The following CACNA1C variants were observed in gnomAD, a reference collection of about 807,000 sequenced individuals.
The protein encoded by CACNA1C is calcium voltage-gated channel subunit alpha1 C.
CACNA1C carries 30 observed loss-of-function variants against 229.0 expected under a neutral mutation model. The observed-to-expected ratio is 0.13, with a 90% confidence interval of 0.10 to 0.18. The LOEUF is 0.18. Among genes scored for constraint, CACNA1C ranks in the 10% least tolerant of loss-of-function variants. The pLI is 1.00. For synonymous variants in CACNA1C, 1,114 were observed against 1,132.5 expected, an observed-to-expected ratio of 0.98 and a Z score of 0.33; for missense variants, 1,658 against 2,845.0, an observed-to-expected ratio of 0.58 and a Z score of 9.49.
Position 2,504,793 on chromosome 12 carries a change from G to T in CACNA1C, c.1114-49G>T. The T allele has an allele frequency of 8.8e-7, 1 of 1,138,024 alleles. No homozygotes were observed. Among genetic ancestry groups the T allele is most frequent in the Admixed American group, 1.7e-5 (1 of 57,156 alleles). The allele number at this position is 1,138,024 out of a possible 1,614,324, so 70.5% of individuals were successfully genotyped here. A position where few individuals can be genotyped will look rare whatever the true frequency, so the allele number is the denominator to read the frequency against. On this transcript the variant is annotated intron_variant, in intron 7 of 46. Transcript: ENST00000399655. This position sits in a 1 kb window ranked among gnomAD's most constrained non-coding sequence, Gnocchi z 6.8. ...CGGGAGCCGGGGACCGGCACTGGCC[G>T]TGCTCGGTTGCTGAGTGTGCCTCAC...
intron 34 of CACNA1C, among the ~76,000 whole-genome samples, chr12:2,656,834 A>G (rs1425680259): frequency 6.6e-6 from 1 of 152,214 alleles, no homozygotes; most frequent in Admixed American, 6.5e-5. Context: ...GTGGAGAAAG[A>G]ACAGCCTTGT....
chr12:2,620,203 T>C (rs2082545734), intron 29 of CACNA1C, among the ~76,000 whole-genome samples: 1 of 152,204 alleles, frequency 6.6e-6, no homozygotes, highest in African/African-American at 2.4e-5. Flanking sequence ...CAGAGCTGGC[T>C]TTTTGTTGTT....
intron 3 of CACNA1C, among the ~76,000 whole-genome samples, chr12:2,301,145 C>A (rs1354980870): frequency 6.6e-6 from 1 of 152,190 alleles, no homozygotes; most frequent in Non-Finnish European, 1.5e-5. Flanking sequence ...GGCCCAAGAG[C>A]ACTATCTGCA....
intron 1 of CACNA1C, among the ~76,000 whole-genome samples, chr12:2,104,788 GTGCTGATAGGCGCCTTAGTTCAAGT>G (rs2077575727): frequency 6.6e-6 from 1 of 152,312 alleles, no homozygotes; most frequent in South Asian, 2.1e-4. Context: ...CTATCACCAG[GTGCTGATAGGCGCCTTAGTTCAAGT>G]AGCAAGAGGT....
At position 2,147,106 on chromosome 12, in the gene CACNA1C, A is replaced by G. The variant is rs533252970; in HGVS notation, c.477+26676A>G. On this transcript the variant is annotated intron_variant, in intron 3 of 46. Coordinates refer to ENST00000399655, the MANE Select transcript of CACNA1C (RefSeq NM_000719.7). Reference sequence around the variant, plus strand: ...TTCTCCTGTCCCTATCTCTAGGTCTATAAATTCAGGGCTTAAGGGATTTCT... The same window carrying G: ...TTCTCCTGTCCCTATCTCTAGGTCTGTAAATTCAGGGCTTAAGGGATTTCT... Among the ~76,000 whole-genome samples, 64 of 151,508 alleles carry G rather than the reference A, an allele frequency of 4.2e-4. 3 individuals are homozygous for G. The highest frequency in any genetic ancestry group is 1.3e-3 in the South Asian group (6 of 4,772).
At chr12:2,260,826 C>T (rs1345372271) in intron 3 of CACNA1C, among the ~76,000 whole-genome samples, 1 of 152,168 alleles carries the variant, frequency 6.6e-6, no homozygotes, top group Non-Finnish European at 1.5e-5. Context: ...CCTTTTTGGT[C>T]TCAGGACTCC....
At chr12:2,377,471 C>T (rs2098111288) in intron 3 of CACNA1C, among the ~76,000 whole-genome samples, 1 of 152,174 alleles carries the variant, frequency 6.6e-6, no homozygotes, top group African/African-American at 2.4e-5. Context: ...CTTACAGCGG[C>T]TATCACAGGT....
intron 3 of CACNA1C, among the ~76,000 whole-genome samples, chr12:2,184,756 A>C (rs895264211): frequency 3.9e-5 from 6 of 152,190 alleles, no homozygotes; most frequent in African/African-American, 4.8e-5. Context: ...GAAGACAGGC[A>C]AACAAGGCGC....
chr12:2,283,391 C>T (rs1460621805), intron 3 of CACNA1C, among the ~76,000 whole-genome samples: 3 of 152,130 alleles, frequency 2.0e-5, no homozygotes, highest in Non-Finnish European at 4.4e-5. Flanking sequence ...GGTATGGAAG[C>T]ATCTGAAGTC....
At chr12:2,068,784 T>G (rs1167431169) in intron 1 of CACNA1C, among the ~76,000 whole-genome samples, 1 of 152,240 alleles carries the variant, frequency 6.6e-6, no homozygotes, top group African/African-American at 2.4e-5. Flanking sequence ...TTGCAGAGTT[T>G]GGCCTTATTC....
At chr12:2,457,029 T>C (rs1317122428) in intron 4 of CACNA1C, among the ~76,000 whole-genome samples, 1 of 152,246 alleles carries the variant, frequency 6.6e-6, no homozygotes, top group African/African-American at 2.4e-5. Flanking sequence ...TGAGACCTTC[T>C]TGTTTAACCA....
chr12:2,456,341 G>A (rs569291759), intron 4 of CACNA1C, among the ~76,000 whole-genome samples: 26 of 152,296 alleles, frequency 1.7e-4, no homozygotes, highest in Admixed American at 3.9e-4. Flanking sequence ...CTCTGGCCTC[G>A]CCCCCGACAG....
At chr12:2,452,859 T>C (rs1188926957) in intron 4 of CACNA1C, among the ~76,000 whole-genome samples, 8 of 152,222 alleles carry the variant, frequency 5.3e-5, no homozygotes, top group African/African-American at 9.6e-5. Context: ...ATTTGGAATG[T>C]TGTTTGACAA....
chr12:1,973,310 G>T (rs1592857010), intron 1 of CACNA1C, among the ~76,000 whole-genome samples: 1 of 152,094 alleles, frequency 6.6e-6, no homozygotes, highest in Non-Finnish European at 1.5e-5. Context: ...TATTTTATGG[G>T]TGACTAATAC....
Position 1,971,045 on chromosome 12 carries a change from T to C in CACNA1C, c.-18T>C, listed in dbSNP as rs1450705386. ...AGCTTTAAAAATCAACCAATTAATA[T>C]ACATCTGGAAATTCACAATGCTTCG... On this transcript the variant is annotated 5_prime_UTR_variant, in exon 1 of 47. Transcript: ENST00000682462. This position sits in a 1 kb window ranked among gnomAD's most constrained non-coding sequence, Gnocchi z 4.2. The C allele has an allele frequency of 7.8e-7, 1 of 1,279,046 alleles. No homozygotes were observed. The highest frequency in any genetic ancestry group is 1.5e-5 in the African/African-American group (1 of 65,364). The allele number at this position is 1,279,046 out of a possible 1,614,324, so 79.2% of individuals were successfully genotyped here.
intron 29 of CACNA1C, 87 bp from the exon 30 acceptor site, chr12:2,634,210 T>G: frequency 2.4e-6 from 1 of 421,760 alleles, no homozygotes. Context: ...TTTTTTTTTT[T>G]TCATTTTTCC....
intron 3 of CACNA1C, among the ~76,000 whole-genome samples, chr12:2,444,445 A>G (rs989837345): frequency 1.3e-5 from 2 of 152,150 alleles, no homozygotes; most frequent in Non-Finnish European, 2.9e-5. Context: ...TGGGATGCAC[A>G]TGCTAATGGG....
chr12:2,450,390 T>TA (rs777400532), intron 4 of CACNA1C, among the ~76,000 whole-genome samples: 6 of 151,336 alleles, frequency 4.0e-5, no homozygotes, highest in East Asian at 2.0e-4. Context: ...CCGTCTCTAC[T>TA]AAAAATACAA....
At chr12:2,004,731 T>C in intron 1 of CACNA1C, 1 of 403,404 alleles carries the variant, frequency 2.5e-6, no homozygotes, top group Non-Finnish European at 4.5e-6. Context: ...TTGAGCTGTG[T>C]GTGCGGTAGG....
Sources: gnomAD v4.1 joint callset for allele counts (sites outside exome capture counted in the v4.1 genomes callset) on GRCh38, gnomAD v4.1.1 for gene constraint, Gnocchi (gnomAD v3.1) non-coding constraint, MANE v1.5 for transcripts, NCBI Gene and HGNC (gene_info 2026-07-23, HGNC 2026-07-21) for gene names.